LRFN2: variants seen among roughly 807,000 people sequenced by gnomAD.
LRFN2 encodes the protein leucine rich repeat and fibronectin type III domain containing 2, also known as leucine-rich repeat and fibronectin type-III domain-containing protein 2.
A neutral mutation model predicts 37.3 loss-of-function variants in LRFN2; 18 were observed. The observed-to-expected ratio is 0.48, with a 90% confidence interval of 0.33 to 0.72. The LOEUF (loss-of-function observed/expected upper bound fraction) is 0.72. LRFN2 is among the 30% of genes least tolerant of loss of function. The pLI is 0.02. For missense variants in LRFN2, 1,006 were observed against 1,060.7 expected (o/e 0.95, Z 0.72); for synonymous variants, 556 against 466.6 (o/e 1.19, Z -2.47).
chr6:40,490,698 A>G (rs2113869572), intron 1 of LRFN2, among the ~76,000 whole-genome samples: 1 of 152,306 alleles, frequency 6.6e-6, no homozygotes, highest in Non-Finnish European at 1.5e-5. Context: ...GTTTGCTCAT[A>G]GCACCCATTA....
At chr6:40,411,344 G>A (rs1390946960) in intron 2 of LRFN2, among the ~76,000 whole-genome samples, 1 of 152,192 alleles carries the variant, frequency 6.6e-6, no homozygotes, top group Non-Finnish European at 1.5e-5. Context: ...TGAGTGAGTG[G>A]CCGTTGGCCA....
In LRFN2 at chr6:40,391,842, G is replaced by T; in HGVS notation, c.*101C>A. ...TTGACAGGGAGACGAAACTGTCCCT[G>T]GATGTAAACATCACCATGGAAACTC... On this transcript the variant is annotated 3_prime_UTR_variant, in exon 3 of 3. Transcript: ENST00000338305. 7.8e-7 allele frequency: 1 copy of T among 1,279,304 alleles called. No homozygotes were observed. Among genetic ancestry groups the T allele is most frequent in the Non-Finnish European group, 1.1e-6 (1 of 948,720 alleles). The allele number at this position is 1,279,304 out of a possible 1,614,324, so 79.2% of individuals were successfully genotyped here.
chr6:40,550,017 G>C (rs1766741058), intron 1 of LRFN2, among the ~76,000 whole-genome samples: 1 of 152,100 alleles, frequency 6.6e-6, no homozygotes, highest in Non-Finnish European at 1.5e-5. Context: ...CTGGGCAAGA[G>C]AGAAAGACTC....
intron 1 of LRFN2, among the ~76,000 whole-genome samples, chr6:40,455,298 C>T (rs1764209702): frequency 6.6e-6 from 1 of 152,206 alleles, no homozygotes; most frequent in South Asian, 2.1e-4. Flanking sequence ...ACATCATGAT[C>T]TCATGGCCTC....
Position 40,392,042 on chromosome 6 carries a change from G to A in LRFN2, c.2271C>T (p.Leu757=). 1 of 1,613,994 alleles carries A rather than the reference G, an allele frequency of 6.2e-7. No individual in the cohort carries two copies. Among genetic ancestry groups the A allele is most frequent in the Non-Finnish European group, 8.5e-7 (1 of 1,179,960 alleles). Residue 757 remains leucine (L), a synonymous_variant, in exon 3 of 3, where the codon CTC becomes CTT. Transcript: ENST00000338305. This position sits in a 1 kb window ranked among gnomAD's most constrained non-coding sequence, Gnocchi z 4.7. ...KVSNIWTKRS[L]SVNGMLLPFE... ...AGGGCAAGAGCATGCCGTTGACAGAGAGGCTGCGCTTCGTCCAGATGTTCG... is the reference window on the plus strand; with the variant it reads ...AGGGCAAGAGCATGCCGTTGACAGAAAGGCTGCGCTTCGTCCAGATGTTCG...
At chr6:40,580,921 A>C (rs559328420) in intron 1 of LRFN2, among the ~76,000 whole-genome samples, 1 of 152,200 alleles carries the variant, frequency 6.6e-6, no homozygotes, top group Non-Finnish European at 1.5e-5. Flanking sequence ...GTGTGAGCAT[A>C]AATGTATGTG....
chr6:40,561,951 A>G (rs1034293153), intron 1 of LRFN2, among the ~76,000 whole-genome samples: 8 of 152,094 alleles, frequency 5.3e-5, no homozygotes, highest in East Asian at 3.9e-4. Context: ...GCAGAAAACC[A>G]TCAGTCTTAT....
chr6:40,567,453 A>C (rs1480744025), intron 1 of LRFN2, among the ~76,000 whole-genome samples: 1 of 152,120 alleles, frequency 6.6e-6, no homozygotes, highest in South Asian at 2.1e-4. Context: ...CCAGTCCCTA[A>C]AGAGCATAAG....
intron 2 of LRFN2, among the ~76,000 whole-genome samples, chr6:40,422,161 C>A (rs1181181204): frequency 6.6e-6 from 1 of 151,528 alleles, no homozygotes; most frequent in African/African-American, 2.4e-5. Flanking sequence ...TGGAGATAAC[C>A]CCATAGAGAA....
intron 1 of LRFN2, chr6:40,501,491 T>A (rs1054861047): frequency 2.0e-5 from 3 of 151,810 alleles, no homozygotes; most frequent in Non-Finnish European, 4.4e-5. Context: ...GCTAATTTTT[T>A]TTTTTTTTTA....
chr6:40,578,931 G>C (rs1322829745), intron 1 of LRFN2, among the ~76,000 whole-genome samples: 3 of 152,278 alleles, frequency 2.0e-5, no homozygotes, highest in African/African-American at 7.2e-5. Flanking sequence ...TGAGAAAGAT[G>C]CTCCATCCAC....
At chr6:40,530,959 A>T (rs933543792) in intron 1 of LRFN2, among the ~76,000 whole-genome samples, 1 of 152,184 alleles carries the variant, frequency 6.6e-6, no homozygotes, top group African/African-American at 2.4e-5. Context: ...CATTTTTGGA[A>T]GGGAGAAAGG....
chr6:40,392,802 G>T lies in LRFN2; in HGVS notation c.1511C>A (p.Ala504Asp), dbSNP rs1241420128. The T allele has an allele frequency of 6.2e-7, 1 of 1,613,992 alleles. No individual in the cohort carries two copies. Among genetic ancestry groups the T allele is most frequent in the African/African-American group, 1.3e-5 (1 of 74,952 alleles). Residue 504 changes from alanine to aspartate, a missense_variant, in exon 3 of 3, where the codon GCC becomes GAC. Around this residue, in one of 4 missense-constraint regions of LRFN2, gnomAD observed 120 missense variants for 178.4 expected, o/e 0.67. Coordinates refer to ENST00000338305, the MANE Select transcript of LRFN2 (RefSeq NM_020737.3). This position sits in a 1 kb window ranked among gnomAD's most constrained non-coding sequence, Gnocchi z 4.7. ...MWDDTATTLT[A>D]TNIVGCAQFF... The stretch of plus-strand genomic sequence containing the variant: ...CTGGGCGCAGCCCACGATGTTGGTG[G>T]CCGTGAGTGTCGTGGCTGTGTCATC...
chr6:40,461,546 A>G (rs1219869943), intron 1 of LRFN2, among the ~76,000 whole-genome samples: 1 of 152,114 alleles, frequency 6.6e-6, no homozygotes, highest in Non-Finnish European at 1.5e-5. Context: ...ATACAGCAGT[A>G]AACAAGATAG....
intron 1 of LRFN2, among the ~76,000 whole-genome samples, chr6:40,554,006 G>A (rs914120782): frequency 6.6e-6 from 1 of 152,120 alleles, no homozygotes; most frequent in African/African-American, 2.4e-5. Flanking sequence ...TCTCTCTCAT[G>A]GGACCTTCAA....
chr6:40,473,494 T>C (rs73732676), intron 1 of LRFN2, among the ~76,000 whole-genome samples: 2,055 of 152,294 alleles, frequency 0.013, 58 homozygotes, highest in African/African-American at 0.046. Context: ...GGACAAGGCA[T>C]GGTTCCCAGG....
At chr6:40,435,342 G>A (rs1374432999) in intron 1 of LRFN2, among the ~76,000 whole-genome samples, 1 of 151,090 alleles carries the variant, frequency 6.6e-6, no homozygotes, top group Non-Finnish European at 1.5e-5. Context: ...TTTTATTTTT[G>A]TAGAGTCAGA....
At chr6:40,567,175 G>T (rs1767105546) in intron 1 of LRFN2, among the ~76,000 whole-genome samples, 1 of 152,136 alleles carries the variant, frequency 6.6e-6, no homozygotes, top group African/African-American at 2.4e-5. Context: ...CCCTTACTTA[G>T]CCTACCTAGC....
intron 1 of LRFN2, among the ~76,000 whole-genome samples, chr6:40,549,193 T>G (rs913198373): frequency 1.3e-5 from 2 of 152,222 alleles, no homozygotes; most frequent in African/African-American, 4.8e-5. Flanking sequence ...ACAACAGATT[T>G]GTATGTTTGC....
Sources: gnomAD v4.1 joint callset for allele counts (sites outside exome capture counted in the v4.1 genomes callset) on GRCh38, gnomAD v4.1.1 for gene constraint, gnomAD v4.1.1 regional missense constraint, Gnocchi (gnomAD v3.1) non-coding constraint, MANE v1.5 for transcripts, NCBI Gene and HGNC (gene_info 2026-07-23, HGNC 2026-07-21) for gene names.